CCSER1: variants seen among roughly 807,000 people sequenced by gnomAD.
CCSER1 encodes the protein serine-rich coiled-coil domain-containing protein 1.
Under a neutral mutation model 82.0 loss-of-function variants are expected in CCSER1, and 41 were observed. The ratio of observed to expected loss-of-function variants is 0.50; its 90% CI spans 0.39 to 0.65. CCSER1 has a LOEUF of 0.65. CCSER1 is among the 30% of genes least tolerant of loss of function. CCSER1 has a pLI of 0.00. For synonymous variants in CCSER1, 414 were observed against 383.9 expected (o/e 1.08, Z -0.92); for missense variants, 1,119 against 1,064.2 (o/e 1.05, Z -0.72).
At chr4:90,238,024 G>T (rs575190715) in intron 1 of CCSER1, among the ~76,000 whole-genome samples, 2 of 152,106 alleles carry the variant, frequency 1.3e-5, no homozygotes, top group Admixed American at 6.6e-5. Flanking sequence ...ATGTTTATCC[G>T]AGCCTTCAAC....
intron 3 of CCSER1, among the ~76,000 whole-genome samples, chr4:90,348,779 G>T (rs979311428): frequency 6.6e-6 from 1 of 152,050 alleles, no homozygotes; most frequent in African/African-American, 2.4e-5. Context: ...TCCACTGGTG[G>T]TCTTTTTTCC....
chr4:91,009,392 G>A (rs1738814084), intron 9 of CCSER1, among the ~76,000 whole-genome samples: 1 of 152,142 alleles, frequency 6.6e-6, no homozygotes, highest in Non-Finnish European at 1.5e-5. Context: ...GCATTTTAAT[G>A]AGCTCTCTTT....
At chr4:90,636,942 TTAA>T (rs1316645522) in intron 6 of CCSER1, among the ~76,000 whole-genome samples, 10 of 152,274 alleles carry the variant, frequency 6.6e-5, no homozygotes, top group East Asian at 1.9e-4. Context: ...TACAAAAAAG[TTAA>T]TAATAAAATG....
At chr4:90,942,306 G>A (rs1186408321) in intron 9 of CCSER1, among the ~76,000 whole-genome samples, 1 of 152,074 alleles carries the variant, frequency 6.6e-6, no homozygotes, top group Non-Finnish European at 1.5e-5. Flanking sequence ...TTTGCATAAT[G>A]GAGAAGATTA....
At chr4:90,810,846 T>TTTTG (rs1437956732) in intron 7 of CCSER1, among the ~76,000 whole-genome samples, 1 of 145,408 alleles carries the variant, frequency 6.9e-6, no homozygotes, top group Non-Finnish European at 1.5e-5. Flanking sequence ...TTTTTTTTTT[T>TTTTG]TTTTGAGACG....
chr4:90,128,725 A>T (rs1722295558), intron 1 of CCSER1, among the ~76,000 whole-genome samples: 1 of 152,040 alleles, frequency 6.6e-6, no homozygotes, highest in African/African-American at 2.4e-5. Context: ...AGCCTTGCTG[A>T]TGTAAAGGAG....
intron 10 of CCSER1, among the ~76,000 whole-genome samples, chr4:91,187,511 A>G (rs1221686927): frequency 6.6e-6 from 1 of 152,096 alleles, no homozygotes; most frequent in Admixed American, 6.6e-5. Context: ...TGTGAAATAA[A>G]AGTAAATTAT....
intron 10 of CCSER1, among the ~76,000 whole-genome samples, chr4:91,202,178 C>G (rs1351507602): frequency 5.7e-5 from 5 of 87,618 alleles, no homozygotes; most frequent in Non-Finnish European, 1.2e-4. Context: ...AAATAACTGT[C>G]AAAAAAAAAA....
At chr4:90,904,114 GTTTTATC>G (rs1393100657) in intron 8 of CCSER1, among the ~76,000 whole-genome samples, 3 of 151,840 alleles carry the variant, frequency 2.0e-5, no homozygotes, top group African/African-American at 7.3e-5. Context: ...CTTGGTCTTG[GTTTTATC>G]TTTTCCTTGA....
At chr4:90,696,941 T>A (rs1237267158) in intron 6 of CCSER1, among the ~76,000 whole-genome samples, 2 of 151,630 alleles carry the variant, frequency 1.3e-5, no homozygotes, top group East Asian at 1.9e-4. Context: ...GGGAAAAAAA[T>A]GAATAAGAAT....
chr4:90,128,591 G>A (rs1288523349), intron 1 of CCSER1, among the ~76,000 whole-genome samples: 6 of 152,074 alleles, frequency 3.9e-5, no homozygotes, highest in Non-Finnish European at 7.4e-5. Context: ...AGCTGAAACC[G>A]CATGTGGCCC....
intron 10 of CCSER1, among the ~76,000 whole-genome samples, chr4:91,375,793 A>G (rs1310637960): frequency 2.6e-5 from 4 of 152,112 alleles, no homozygotes; most frequent in Non-Finnish European, 5.9e-5. Flanking sequence ...ATGACTTAAT[A>G]CTGGTACAAA....
chr4:91,510,232 C>T (rs1759746346), intron 10 of CCSER1, among the ~76,000 whole-genome samples: 4 of 152,128 alleles, frequency 2.6e-5, no homozygotes, highest in African/African-American at 9.7e-5. Context: ...ATATGTGTTA[C>T]ATTTTATTTT....
intron 5 of CCSER1, among the ~76,000 whole-genome samples, chr4:90,574,701 A>G (rs1033167228): frequency 6.6e-6 from 1 of 151,972 alleles, no homozygotes; most frequent in Non-Finnish European, 1.5e-5. Context: ...CACTCAGTAA[A>G]TATCTTCAAA....
chr4:90,876,673 A>T (rs1403900195), intron 8 of CCSER1, among the ~76,000 whole-genome samples: 1 of 152,200 alleles, frequency 6.6e-6, no homozygotes, highest in African/African-American at 2.4e-5. Context: ...AATCCCATTC[A>T]TATATCATTA....
At chr4:90,874,894 A>C (rs1766998847) in intron 8 of CCSER1, among the ~76,000 whole-genome samples, 1 of 152,128 alleles carries the variant, frequency 6.6e-6, no homozygotes, top group South Asian at 2.1e-4. Context: ...AAAAATACAA[A>C]AATTAGCTGG....
At chr4:91,463,119 G>C (rs756695228) in intron 10 of CCSER1, among the ~76,000 whole-genome samples, 17 of 152,288 alleles carry the variant, frequency 1.1e-4, no homozygotes, top group African/African-American at 3.1e-4. Flanking sequence ...AGTAGAGGTA[G>C]ACTGACTCCC....
At chr4:91,445,735 A>G (rs1755515848) in intron 10 of CCSER1, among the ~76,000 whole-genome samples, 1 of 152,034 alleles carries the variant, frequency 6.6e-6, no homozygotes, top group African/African-American at 2.4e-5. Flanking sequence ...TTTAACATAT[A>G]TTACCCCCAA....
chr4:90,912,000 G>T (rs1363818089), intron 8 of CCSER1, among the ~76,000 whole-genome samples: 1 of 152,232 alleles, frequency 6.6e-6, no homozygotes, highest in Non-Finnish European at 1.5e-5. Context: ...ATTGGGTGGA[G>T]CCCACCGCAG....
Sources: gnomAD v4.1 joint callset for allele counts (sites outside exome capture counted in the v4.1 genomes callset) on GRCh38, gnomAD v4.1.1 for gene constraint, MANE v1.5 for transcripts, NCBI Gene and HGNC (gene_info 2026-07-23, HGNC 2026-07-21) for gene names.